TCF12: variants seen among roughly 807,000 people sequenced by gnomAD.
TCF12 encodes the protein DNA-binding protein HTF4.
TCF12 carries 45 observed loss-of-function variants against 86.0 expected under a neutral mutation model. The observed-to-expected ratio is 0.52, with a 90% CI of 0.41 to 0.67. The LOEUF (loss-of-function observed/expected upper bound fraction) is 0.67. Ranked by LOEUF, TCF12 falls within the 30% of genes least tolerant of loss-of-function variation. The pLI is 0.00. For missense variants in TCF12, 881 were observed against 859.9 expected, an observed-to-expected ratio of 1.02 and a Z score of -0.31; for synonymous variants, 330 against 299.6, an observed-to-expected ratio of 1.10 and a Z score of -1.05.
At chr15:57,015,083 G>A (rs1314082222) in intron 3 of TCF12, among the ~76,000 whole-genome samples, 5 of 151,944 alleles carry the variant, frequency 3.3e-5, no homozygotes, top group African/African-American at 1.2e-4. Context: ...GGGCTCAGGA[G>A]TTCAAGACTA....
chr15:57,170,728 ATT>A (rs1567559210), intron 6 of TCF12, among the ~76,000 whole-genome samples: 14 of 1,820 alleles, frequency 7.7e-3, no homozygotes, highest in Non-Finnish European at 0.012. Context: ...TATATTATAT[ATT>A]ATATATAATA....
intron 5 of TCF12, among the ~76,000 whole-genome samples, chr15:57,145,449 A>G (rs2053289919): frequency 6.6e-6 from 1 of 152,156 alleles, no homozygotes; most frequent in Admixed American, 6.5e-5. Context: ...GTGTGAAATA[A>G]GATAGAAAAT....
intron 3 of TCF12, among the ~76,000 whole-genome samples, chr15:56,961,171 G>A (rs1275706478): frequency 6.6e-6 from 1 of 151,760 alleles, no homozygotes; most frequent in Non-Finnish European, 1.5e-5. Flanking sequence ...AGTACCTACA[G>A]TATGCTAGCT....
At chr15:57,275,840 A>G (rs759159909) in intron 19 of TCF12, among the ~76,000 whole-genome samples, 7 of 152,182 alleles carry the variant, frequency 4.6e-5, no homozygotes, top group Non-Finnish European at 8.8e-5. Flanking sequence ...AAGCAGACCC[A>G]GGTCTAGCAG....
At chr15:57,280,230 C>CT (rs1311308936) in intron 19 of TCF12, among the ~76,000 whole-genome samples, 1 of 120,854 alleles carries the variant, frequency 8.3e-6, no homozygotes, top group African/African-American at 2.5e-5. Context: ...AGGACGAACT[C>CT]TTATTTGTTA....
chr15:57,201,149 G>T (rs2057523981), intron 8 of TCF12, among the ~76,000 whole-genome samples: 1 of 152,080 alleles, frequency 6.6e-6, no homozygotes, highest in South Asian at 2.1e-4. Flanking sequence ...TAAAGATTGG[G>T]AAAAGTGGAC....
chr15:57,249,652 C>T (rs1301239156), intron 13 of TCF12, among the ~76,000 whole-genome samples: 3 of 152,094 alleles, frequency 2.0e-5, no homozygotes, highest in Admixed American at 1.3e-4. Flanking sequence ...TAATTTACCT[C>T]AAGTTTTTCT....
chr15:57,186,060 C>G (rs1229082412), intron 6 of TCF12, among the ~76,000 whole-genome samples: 14 of 151,974 alleles, frequency 9.2e-5, no homozygotes, highest in African/African-American at 1.7e-4. Flanking sequence ...TAATTGTCTG[C>G]TAAAAAAATT....
At chr15:57,082,126 G>A (rs2048353724) in intron 4 of TCF12, among the ~76,000 whole-genome samples, 1 of 152,226 alleles carries the variant, frequency 6.6e-6, no homozygotes. Context: ...CAGGAAGAGG[G>A]AGTGTAAATA....
intron 13 of TCF12, chr15:57,248,128 T>C: frequency 1.4e-6 from 1 of 702,190 alleles, no homozygotes; most frequent in Non-Finnish European, 2.6e-6. Flanking sequence ...AAAAATTATT[T>C]TAAGGATCCT....
intron 19 of TCF12, among the ~76,000 whole-genome samples, chr15:57,280,252 C>T (rs1016296973): frequency 1.3e-5 from 2 of 152,106 alleles, no homozygotes; most frequent in East Asian, 3.9e-4. Context: ...AGGTGCACAA[C>T]TACTTATTAA....
chr15:57,262,061 CT>C (rs1567008179), intron 16 of TCF12, 32 bp from the exon 17 acceptor site: 1 of 1,456,356 alleles, frequency 6.9e-7, no homozygotes, highest in Non-Finnish European at 9.5e-7. Context: ...CTATCTTAAT[CT>C]TTTTTTATTT....
intron 6 of TCF12, among the ~76,000 whole-genome samples, chr15:57,170,674 TAATATATTATATATA>T (rs2055298705): frequency 8.8e-5 from 1 of 11,358 alleles, no homozygotes; most frequent in Non-Finnish European, 1.3e-4. Context: ...TATATATATA[TAATATATTATATATA>T]ATATATATTA....
chr15:57,112,761 A>G (rs1313691702), intron 5 of TCF12, among the ~76,000 whole-genome samples: 2 of 152,216 alleles, frequency 1.3e-5, no homozygotes, highest in African/African-American at 4.8e-5. Flanking sequence ...TATCAAGATG[A>G]AAAAGACATT....
At chr15:57,227,989 A>G (rs376053543) in intron 8 of TCF12, among the ~76,000 whole-genome samples, 1 of 152,084 alleles carries the variant, frequency 6.6e-6, no homozygotes. Context: ...TCAGATTTAA[A>G]CCAATGATTA....
intron 3 of TCF12, among the ~76,000 whole-genome samples, chr15:56,971,495 T>C (rs1210846152): frequency 6.6e-6 from 1 of 152,122 alleles, no homozygotes; most frequent in African/African-American, 2.4e-5. Flanking sequence ...GTCAAAGTTA[T>C]GGACAGTTCC....
At chr15:57,229,165 C>A (rs1431791017) in intron 8 of TCF12, among the ~76,000 whole-genome samples, 1 of 151,916 alleles carries the variant, frequency 6.6e-6, no homozygotes, top group African/African-American at 2.4e-5. Context: ...CTAGCTAGGG[C>A]TAAGTTTAGA....
chr15:57,234,442 A>G (rs2059298512), intron 12 of TCF12, among the ~76,000 whole-genome samples: 1 of 152,214 alleles, frequency 6.6e-6, no homozygotes, highest in Non-Finnish European at 1.5e-5. Flanking sequence ...TGATCCAGAG[A>G]ATGAAGTACC....
chr15:57,279,489 C>G (rs1449767126), intron 19 of TCF12, among the ~76,000 whole-genome samples: 3 of 152,174 alleles, frequency 2.0e-5, no homozygotes, highest in African/African-American at 7.2e-5. Context: ...TTGCCGTGGT[C>G]TGTGTCACAC....
Sources: gnomAD v4.1 joint callset for allele counts (sites outside exome capture counted in the v4.1 genomes callset) on GRCh38, gnomAD v4.1.1 for gene constraint, MANE v1.5 for transcripts, NCBI Gene and HGNC (gene_info 2026-07-23, HGNC 2026-07-21) for gene names.